OR51B5: variants seen among roughly 807,000 people sequenced by gnomAD.
The protein encoded by OR51B5 is olfactory receptor 51B5.
For missense variants in OR51B5, 456 were observed against 374.6 expected, an observed-to-expected ratio of 1.22 and a Z score of -1.79; for synonymous variants, 186 against 144.8, an observed-to-expected ratio of 1.28 and a Z score of -2.04.
chr11:5,418,342 A>G, intron 1 of OR51B5, among the ~76,000 whole-genome samples: 1 of 152,128 alleles, frequency 6.6e-6, no homozygotes, highest in Admixed American at 6.5e-5. Flanking sequence ...CCAGCATGTC[A>G]CATGTATACA....
chr11:5,464,209 T>C (rs1452993248), intron 1 of OR51B5, among the ~76,000 whole-genome samples: 2 of 152,234 alleles, frequency 1.3e-5, no homozygotes, highest in Non-Finnish European at 2.9e-5. Context: ...TTTCTATATT[T>C]GAAAAAGCAA....
At chr11:5,368,875 A>C (rs1304348151) in intron 1 of OR51B5, among the ~76,000 whole-genome samples, 1 of 152,166 alleles carries the variant, frequency 6.6e-6, no homozygotes, top group Non-Finnish European at 1.5e-5. Flanking sequence ...TCTTATGTGG[A>C]TTAAGAGAGG....
intron 1 of OR51B5, among the ~76,000 whole-genome samples, chr11:5,462,239 T>C (rs562759575): frequency 1.3e-5 from 2 of 152,206 alleles, no homozygotes. Flanking sequence ...TAGGATGAAA[T>C]TCTTGCTCTC....
intron 1 of OR51B5, chr11:5,469,209 C>T (rs1200686511): frequency 6.3e-6 from 1 of 158,800 alleles, no homozygotes; most frequent in Non-Finnish European, 1.4e-5. Context: ...ACACCCAGGT[C>T]ATTAACAGAA....
chr11:5,440,663 A>C (rs140289651), intron 1 of OR51B5: 24 of 1,613,944 alleles, frequency 1.5e-5, no homozygotes, highest in Non-Finnish European at 1.9e-5. Flanking sequence ...TGGGTGGTAC[A>C]AACAGGTAGA....
chr11:5,498,246 T>C (rs1851677839), intron 1 of OR51B5, among the ~76,000 whole-genome samples: 1 of 152,176 alleles, frequency 6.6e-6, no homozygotes, highest in Non-Finnish European at 1.5e-5. Flanking sequence ...TTGGCGATCC[T>C]TGGGATTAGC....
chr11:5,343,295 G>C (rs1410322622), exon 1 of OR51B5: 3 of 1,612,152 alleles, frequency 1.9e-6, no homozygotes, highest in Non-Finnish European at 2.5e-6. Flanking sequence ...CAGCACCGTG[G>C]GCATTGTGGT....
intron 1 of OR51B5, among the ~76,000 whole-genome samples, chr11:5,424,623 A>G (rs1850414572): frequency 6.6e-6 from 1 of 151,942 alleles, no homozygotes; most frequent in Non-Finnish European, 1.5e-5. Context: ...GCTGTTATTT[A>G]GGGTTGAAGG....
At chr11:5,349,410 T>C (rs538083173) in intron 1 of OR51B5, among the ~76,000 whole-genome samples, 1 of 152,170 alleles carries the variant, frequency 6.6e-6, no homozygotes, top group African/African-American at 2.4e-5. Flanking sequence ...TCCTGTTTTT[T>C]TTTAATTTAT....
chr11:5,379,353 T>G (rs1297381248), intron 1 of OR51B5, among the ~76,000 whole-genome samples: 2 of 152,030 alleles, frequency 1.3e-5, no homozygotes, highest in Non-Finnish European at 2.9e-5. Context: ...GAGATATACC[T>G]AATGCTAAAT....
At chr11:5,462,892 G>A (rs191104460) in intron 1 of OR51B5, among the ~76,000 whole-genome samples, 197 of 152,298 alleles carry the variant, frequency 1.3e-3, no homozygotes, top group Non-Finnish European at 1.8e-3. Context: ...TACAGTGTAT[G>A]AAGTCATCAG....
upstream of OR51B5, among the ~76,000 whole-genome samples, chr11:5,344,199 G>C (rs901055843): frequency 6.6e-6 from 1 of 152,180 alleles, no homozygotes; most frequent in Non-Finnish European, 1.5e-5. Context: ...CTCACTACTT[G>C]TGACAATAGC....
chr11:5,501,996 TGTGA>T (rs140188968), intron 1 of OR51B5, among the ~76,000 whole-genome samples: 8,858 of 151,116 alleles, frequency 0.059, 337 homozygotes, highest in South Asian at 0.13. Flanking sequence ...AACTCCCACC[TGTGA>T]GTGAATTTCT....
intron 1 of OR51B5, chr11:5,402,852 G>A (rs1257871503): frequency 6.4e-6 from 3 of 471,434 alleles, no homozygotes; most frequent in South Asian, 4.6e-5. Context: ...TACAGTGTTA[G>A]GCATATTCCT....
At chr11:5,465,726 A>C (rs1021268826) in intron 1 of OR51B5, among the ~76,000 whole-genome samples, 3 of 143,294 alleles carry the variant, frequency 2.1e-5, no homozygotes, top group Admixed American at 1.4e-4. Flanking sequence ...CCTATTTAAT[A>C]AATGGTGCTG....
At chr11:5,380,202 T>C (rs1191686631) in intron 1 of OR51B5, among the ~76,000 whole-genome samples, 2 of 152,198 alleles carry the variant, frequency 1.3e-5, no homozygotes, top group Non-Finnish European at 2.9e-5. Context: ...AAGGCGTTTC[T>C]GAAAGAGTTG....
At chr11:5,462,775 A>G (rs1332308128) in intron 1 of OR51B5, among the ~76,000 whole-genome samples, 1 of 152,198 alleles carries the variant, frequency 6.6e-6, no homozygotes, top group East Asian at 1.9e-4. Flanking sequence ...ATAAGAAGTA[A>G]TCTACTTGTA....
intron 1 of OR51B5, among the ~76,000 whole-genome samples, chr11:5,429,171 G>A (rs1850494605): frequency 2.0e-5 from 3 of 152,064 alleles, no homozygotes; most frequent in African/African-American, 7.2e-5. Flanking sequence ...ATCAATAGCA[G>A]CACCTATTCC....
intron 1 of OR51B5, chr11:5,441,126 T>G: frequency 6.2e-7 from 1 of 1,613,950 alleles, no homozygotes; most frequent in Non-Finnish European, 8.5e-7. Context: ...GCGTAATGGA[T>G]AACAAATAGC....
Sources: allele counts gnomAD v4.1 joint callset (sites outside exome capture counted in the v4.1 genomes callset), GRCh38; gene constraint gnomAD v4.1.1; transcripts MANE v1.5; gene names NCBI Gene and HGNC (gene_info 2026-07-23, HGNC 2026-07-21).